COX15: variants seen among roughly 807,000 people sequenced by gnomAD.
COX15 encodes the protein cytochrome c oxidase assembly factor COX15.
In COX15, 51 loss-of-function variants were observed where a neutral mutation model predicts 51.9. The ratio of observed to expected loss-of-function variants is 0.98; its 90% CI spans 0.78 to 1.24. The LOEUF is 1.24. Among genes scored for constraint, COX15 ranks in the 50% most tolerant of loss-of-function variants. The probability of loss-of-function intolerance (pLI) is 0.00; values close to 1 mark genes in which losing one functional copy is unlikely to be tolerated. For synonymous variants in COX15, 188 were observed against 190.5 expected, an observed-to-expected ratio of 0.99 and a Z score of 0.11; for missense variants, 420 against 501.1, an observed-to-expected ratio of 0.84 and a Z score of 1.55.
downstream of COX15, chr10:99,709,881 T>C (rs1452029388): frequency 1.0e-6 from 1 of 985,350 alleles, no homozygotes; most frequent in East Asian, 1.1e-4. Flanking sequence ...GACCATTTTG[T>C]TTCTCTGAAA....
At chr10:99,715,602 T>C (rs1057360945) in intron 8 of COX15, among the ~76,000 whole-genome samples, 7 of 150,202 alleles carry the variant, frequency 4.7e-5, no homozygotes, top group Admixed American at 4.0e-4. Context: ...TTTTAAAAGA[T>C]ATTGCCAGCC....
downstream of COX15, chr10:99,709,774 G>T (rs542520901): frequency 1.7e-5 from 17 of 985,226 alleles, no homozygotes; most frequent in African/African-American, 2.3e-4. Context: ...GACTTCTCTT[G>T]TGTTATTACA....
chr10:99,712,423 G>A lies in COX15; in HGVS notation c.*2164C>T, dbSNP rs1201875824. 1.0e-6 allele frequency: 1 copy of A among 985,192 alleles called. No homozygotes were observed. Among genetic ancestry groups the A allele is most frequent in the Non-Finnish European group, 1.2e-6 (1 of 829,878 alleles). The allele number at this position is 985,192 out of a possible 1,614,324, so 61.0% of individuals were successfully genotyped here. On this transcript the variant is annotated 3_prime_UTR_variant, in exon 9 of 9. Coordinates refer to ENST00000016171, the MANE Select transcript of COX15 (RefSeq NM_078470.6). ...AGCTTTCACAGAAAAATCTAGATATGTGGCTTATTTTTAAAAAACAGAAGA... is the reference window on the plus strand; with the variant it reads ...AGCTTTCACAGAAAAATCTAGATATATGGCTTATTTTTAAAAAACAGAAGA...
At chr10:99,701,075 TC>T in the COX15 span, 1 of 1,601,356 alleles carries the variant, frequency 6.2e-7, no homozygotes, top group Non-Finnish European at 8.6e-7. Flanking sequence ...TACTTCCCTT[TC>T]CTCCTTAGAT....
chr10:99,705,325 C>G, the COX15 span: 7 of 153,072 alleles, frequency 4.6e-5, no homozygotes, highest in African/African-American at 1.4e-4. Context: ...AGAACCCCTT[C>G]TAAATGAATG....
the COX15 span, among the ~76,000 whole-genome samples, chr10:99,700,114 A>T: frequency 6.6e-6 from 1 of 152,058 alleles, no homozygotes; most frequent in African/African-American, 2.4e-5. Context: ...TGGAGCCCAG[A>T]GCTCCCTAAC....
At chr10:99,710,413 G>T, downstream of COX15, 2 of 985,336 alleles carry the variant, frequency 2.0e-6, no homozygotes, top group Non-Finnish European at 2.4e-6. Flanking sequence ...AATGGCCTCT[G>T]CGGAGTGTAG....
At chr10:99,709,310 C>T, downstream of COX15, 1 of 985,226 alleles carries the variant, frequency 1.0e-6, no homozygotes, top group Non-Finnish European at 1.2e-6. Flanking sequence ...TCTAATTGTC[C>T]TTTTTGCTGT....
the COX15 span, chr10:99,695,986 T>A: frequency 9.3e-6 from 15 of 1,613,690 alleles, no homozygotes; most frequent in African/African-American, 1.5e-4. Flanking sequence ...GCTGGCTGAG[T>A]TCAACCTGGG....
At chr10:99,709,453 T>C, downstream of COX15, 4 of 985,452 alleles carry the variant, frequency 4.1e-6, no homozygotes, top group Non-Finnish European at 4.8e-6. Context: ...TGTGAGGATT[T>C]TCCTGGTGTT....
At position 99,714,698 on chromosome 10, in the gene COX15, C is replaced by CGT; in HGVS notation, c.1120_1121dup (p.Leu375ArgfsTer3). 1 of 1,613,530 alleles carries CGT rather than the reference C, an allele frequency of 6.2e-7. No homozygotes were observed. Among genetic ancestry groups the CGT allele is most frequent in the South Asian group, 1.1e-5 (1 of 91,048 alleles). On this transcript the variant is annotated frameshift_variant, in exon 9 of 9. Transcript: ENST00000016171. LOFTEE classifies it high-confidence loss of function. ...GAGGAGTTGGGACATACATCAGCAG[C>CGT]GTGCTGATGCCCAAGCCCACCTGTC...
At chr10:99,703,482 A>T in the COX15 span, among the ~76,000 whole-genome samples, 43 of 152,190 alleles carry the variant, frequency 2.8e-4, no homozygotes, top group Non-Finnish European at 5.0e-4. Context: ...TCAGAAATCC[A>T]TATTTTTTAT....
downstream of COX15, chr10:99,710,211 G>C: frequency 1.0e-6 from 1 of 985,384 alleles, no homozygotes; most frequent in South Asian, 4.7e-5. Context: ...GCCGGCATTT[G>C]GCCTGCTGCT....
chr10:99,704,050 T>A, the COX15 span, among the ~76,000 whole-genome samples: 5 of 152,198 alleles, frequency 3.3e-5, no homozygotes, highest in African/African-American at 1.2e-4. Context: ...AAAAAAGGAT[T>A]TAGACACACA....
Position 99,711,491 on chromosome 10 carries a change from A to G in COX15, c.*3096T>C. 9 of 985,426 alleles carry G rather than the reference A, an allele frequency of 9.1e-6. No homozygotes were observed. The highest frequency in any genetic ancestry group is 1.1e-5 in the Non-Finnish European group (9 of 829,906). The allele number at this position is 985,426 out of a possible 1,614,324, so 61.0% of individuals were successfully genotyped here. Reference sequence around the variant, plus strand: ...GAGCAACATAGCAGATCAAATGATAAGGTGGGGTGGAAATTAGAAGGGAAT... The same window carrying G: ...GAGCAACATAGCAGATCAAATGATAGGGTGGGGTGGAAATTAGAAGGGAAT... On this transcript the variant is annotated 3_prime_UTR_variant, in exon 9 of 9. Coordinates refer to ENST00000016171, the MANE Select transcript of COX15 (RefSeq NM_078470.6).
chr10:99,716,714 A>C (rs1049378734), intron 7 of COX15: 2 of 396,742 alleles, frequency 5.0e-6, no homozygotes, highest in South Asian at 2.4e-5. Flanking sequence ...ATACACCCTC[A>C]CTCCCAGTGA....
chr10:99,696,222 T>C, the COX15 span: 1 of 1,403,778 alleles, frequency 7.1e-7, no homozygotes, highest in Non-Finnish European at 9.6e-7. Flanking sequence ...AGTCCCTGCT[T>C]CCTCCTTCTT....
chr10:99,698,123 C>T, the COX15 span, among the ~76,000 whole-genome samples: 3 of 152,170 alleles, frequency 2.0e-5, no homozygotes, highest in African/African-American at 4.8e-5. Context: ...GTGGTCTGCT[C>T]TTCAGGAATC....
At chr10:99,726,124 T>C (rs2036942777) in intron 4 of COX15, among the ~76,000 whole-genome samples, 1 of 152,232 alleles carries the variant, frequency 6.6e-6, no homozygotes, top group Non-Finnish European at 1.5e-5. Flanking sequence ...AATTGCCATT[T>C]ATATCTGAAT....
Sources: gnomAD v4.1 joint callset for allele counts (sites outside exome capture counted in the v4.1 genomes callset) on GRCh38, gnomAD v4.1.1 for gene constraint, MANE v1.5 for transcripts, NCBI Gene and HGNC (gene_info 2026-07-23, HGNC 2026-07-21) for gene names.